ZNF354B: variants seen among roughly 807,000 people sequenced by gnomAD.
The protein encoded by ZNF354B is zinc finger protein 354B.
A neutral mutation model predicts 12.9 loss-of-function variants in ZNF354B; 10 were observed. The observed-to-expected ratio is 0.77, with a 90% CI of 0.48 to 1.31. The LOEUF is 1.31. ZNF354B is among the 40% of genes most tolerant of loss of function. The pLI is 0.00. For missense variants in ZNF354B, 614 were observed against 711.7 expected (o/e 0.86, Z 1.56); for synonymous variants, 260 against 243.7 (o/e 1.07, Z -0.62).
At position 178,883,581 on chromosome 5, in the gene ZNF354B, A is replaced by G. The variant is rs1258365156; in HGVS notation, c.1129A>G (p.Thr377Ala). The G allele has an allele frequency of 6.8e-6, 11 of 1,613,840 alleles. No individual in the cohort carries two copies. The highest frequency in any genetic ancestry group is 9.3e-6 in the Non-Finnish European group (11 of 1,179,856). ...SSLRYHQRIH[T>A]GEKPFKCSEC... ...CCTTCGTTATCATCAGAGAATTCAC[A>G]CTGGAGAGAAGCCTTTTAAATGTAG... The change falls in exon 5 of 5, where the codon ACT (threonine) becomes GCT (alanine). Residue 377 changes from threonine to alanine, a missense_variant. Coordinates refer to ENST00000322434, the MANE Select transcript of ZNF354B (RefSeq NM_058230.3).
chr5:178,866,471 A>G (rs942432232), intron 3 of ZNF354B, 101 bp downstream of exon 3: 2 of 1,498,592 alleles, frequency 1.3e-6, no homozygotes, highest in African/African-American at 2.8e-5. Flanking sequence ...ATTTGAGCTC[A>G]GTTTGAGGAT....
At chr5:178,869,149 AT>A (rs1291979793) in intron 4 of ZNF354B, among the ~76,000 whole-genome samples, 1 of 152,158 alleles carries the variant, frequency 6.6e-6, no homozygotes, top group Non-Finnish European at 1.5e-5. Context: ...CCCAGGCTGC[AT>A]TCTGCAGCTG....
At chr5:178,871,398 T>A (rs181982796) in intron 4 of ZNF354B, among the ~76,000 whole-genome samples, 9 of 152,364 alleles carry the variant, frequency 5.9e-5, no homozygotes, top group African/African-American at 1.2e-4. Flanking sequence ...TGTGCTGCAC[T>A]GGCTTCGGCT....
intron 2 of ZNF354B, among the ~76,000 whole-genome samples, chr5:178,862,102 C>T (rs1303999403): frequency 6.6e-6 from 1 of 152,122 alleles, no homozygotes; most frequent in Non-Finnish European, 1.5e-5. Context: ...ATACTAATGT[C>T]CACCGAGTGT....
intron 3 of ZNF354B, 31 bp from the exon 4 acceptor site, chr5:178,866,945 G>A: frequency 1.2e-6 from 2 of 1,600,038 alleles, no homozygotes; most frequent in South Asian, 2.2e-5. Flanking sequence ...CGAAGACTGA[G>A]ACTTTTGTTG....
intron 4 of ZNF354B, among the ~76,000 whole-genome samples, chr5:178,870,246 G>A (rs74342371): frequency 0.098 from 14,861 of 152,164 alleles, 783 homozygotes; most frequent in Non-Finnish European, 0.12. Context: ...GGACTCTCTC[G>A]AACCTCCAGT....
Position 178,884,346 on chromosome 5 carries a change from T to C in ZNF354B, c.*55T>C. On this transcript the variant is annotated 3_prime_UTR_variant, in exon 5 of 5. Transcript: ENST00000322434. The stretch of plus-strand genomic sequence containing the variant: ...ACATGCTTGAGAGTGATTTATTAAA[T>C]ATAATGAATATGAGAAAACTCTTAG... 1 of 1,500,834 alleles carries C rather than the reference T, an allele frequency of 6.7e-7. No homozygotes were observed. Among genetic ancestry groups the C allele is most frequent in the Non-Finnish European group, 8.9e-7 (1 of 1,122,234 alleles). The allele number at this position is 1,500,834 out of a possible 1,614,324, so 93.0% of individuals were successfully genotyped here.
At chr5:178,868,971 CAAAAAAA>C (rs374983108) in intron 4 of ZNF354B, among the ~76,000 whole-genome samples, 1 of 96,202 alleles carries the variant, frequency 1.0e-5, no homozygotes, top group African/African-American at 3.5e-5. Context: ...GACTCCAACT[CAAAAAAA>C]AAAAAAAAAG....
intron 4 of ZNF354B, 45 bp from the exon 5 acceptor site, chr5:178,882,664 A>G (rs375631462): frequency 3.1e-5 from 46 of 1,506,516 alleles, no homozygotes; most frequent in Non-Finnish European, 3.8e-5. Context: ...GTCTCAGCCA[A>G]TCACATGAAT....
At chr5:178,870,104 G>A (rs1212715207) in intron 4 of ZNF354B, among the ~76,000 whole-genome samples, 3 of 151,996 alleles carry the variant, frequency 2.0e-5, no homozygotes, top group Non-Finnish European at 4.4e-5. Context: ...TTGAGCCCAG[G>A]GGTTCGAGAC....
chr5:178,870,755 C>G (rs1219499539), intron 4 of ZNF354B, among the ~76,000 whole-genome samples: 2 of 152,148 alleles, frequency 1.3e-5, no homozygotes, highest in Non-Finnish European at 2.9e-5. Context: ...ATGACATGGC[C>G]TGGAATGTTT....
intron 2 of ZNF354B, among the ~76,000 whole-genome samples, chr5:178,864,779 C>A (rs765693699): frequency 1.5e-4 from 23 of 151,950 alleles, no homozygotes; most frequent in Non-Finnish European, 2.9e-4. Context: ...CATGCCACCA[C>A]GCCCGGCTAA....
chr5:178,879,134 T>C (rs1757681638), intron 4 of ZNF354B, among the ~76,000 whole-genome samples: 2 of 149,778 alleles, frequency 1.3e-5, no homozygotes, highest in Non-Finnish European at 3.0e-5. Flanking sequence ...CTTCAGCCTC[T>C]GCCTCCCAGC....
chr5:178,868,669 A>G (rs1236848338), intron 4 of ZNF354B, among the ~76,000 whole-genome samples: 4 of 152,166 alleles, frequency 2.6e-5, no homozygotes, highest in African/African-American at 9.6e-5. Context: ...AGAATTGCTC[A>G]GGCCTAAAGA....
At chr5:178,864,193 C>G (rs1171498973) in intron 2 of ZNF354B, among the ~76,000 whole-genome samples, 1 of 152,196 alleles carries the variant, frequency 6.6e-6, no homozygotes, top group Non-Finnish European at 1.5e-5. Flanking sequence ...CCTGGAAGCT[C>G]CATTCATGGC....
chr5:178,872,361 A>G (rs371654259), intron 4 of ZNF354B, among the ~76,000 whole-genome samples: 1 of 152,112 alleles, frequency 6.6e-6, no homozygotes, highest in African/African-American at 2.4e-5. Flanking sequence ...TCCATAGAGT[A>G]TATCATAGTT....
intron 4 of ZNF354B, among the ~76,000 whole-genome samples, chr5:178,873,354 TAAG>T (rs1201389619): frequency 1.3e-5 from 2 of 152,238 alleles, no homozygotes; most frequent in Non-Finnish European, 2.9e-5. Context: ...GTGTCAAATG[TAAG>T]AATTCTGCCT....
At chr5:178,861,167 G>A (rs1757341134) in intron 2 of ZNF354B, 87 bp downstream of exon 2, 2 of 890,746 alleles carry the variant, frequency 2.2e-6, no homozygotes. Flanking sequence ...CAGCCAGGAT[G>A]GAGCCCAAGT....
intron 4 of ZNF354B, among the ~76,000 whole-genome samples, chr5:178,867,333 A>G (rs10038744): frequency 7.9e-5 from 12 of 152,310 alleles, no homozygotes; most frequent in East Asian, 5.8e-4. Context: ...CAAACATAGT[A>G]TATTTAAGGA....
Sources: allele counts gnomAD v4.1 joint callset (sites outside exome capture counted in the v4.1 genomes callset), GRCh38; gene constraint gnomAD v4.1.1; transcripts MANE v1.5; gene names NCBI Gene and HGNC (gene_info 2026-07-23, HGNC 2026-07-21).